ADAP2: variants seen among roughly 807,000 people sequenced by gnomAD.
ADAP2 encodes arf-GAP with dual PH domain-containing protein 2.
Under a neutral mutation model 54.9 loss-of-function variants are expected in ADAP2, and 42 were observed. That is an observed-to-expected ratio of 0.77 (90% confidence interval 0.60 to 0.99). The LOEUF is 0.99. Among genes scored for constraint, ADAP2 ranks in the 50% least tolerant of loss-of-function variants. ADAP2 has a pLI of 0.00. For synonymous variants in ADAP2, 177 were observed against 180.1 expected, an observed-to-expected ratio of 0.98 and a Z score of 0.14; for missense variants, 429 against 480.4, an observed-to-expected ratio of 0.89 and a Z score of 1.00.
chr17:30,927,916 T>C (rs1911184269), intron 3 of ADAP2, among the ~76,000 whole-genome samples: 1 of 151,732 alleles, frequency 6.6e-6, no homozygotes, highest in Non-Finnish European at 1.5e-5. Flanking sequence ...TAGTCTGAGC[T>C]ACTAGGAAGA....
intron 1 of ADAP2, 147 bp downstream of exon 1, chr17:30,922,255 C>G (rs1910673236): frequency 8.3e-6 from 4 of 484,558 alleles, no homozygotes; most frequent in African/African-American, 2.0e-5. Flanking sequence ...CCACCCACAC[C>G]GTGAACCTCT....
Position 30,941,829 on chromosome 17 carries a change from G to T in ADAP2, c.511-3078G>T, listed in dbSNP as rs548743582. 7.2e-5 allele frequency among the ~76,000 whole-genome samples: 11 copies of T among 152,214 alleles called. No homozygotes were observed. In the South Asian group the frequency reaches 2.3e-3, roughly 32 times the overall value. ...AGGGGGATGAGTGAAGTCTTTTGGGGTGACATTTAGGATGATAAGTAATGT... is the reference window on the plus strand; with the variant it reads ...AGGGGGATGAGTGAAGTCTTTTGGGTTGACATTTAGGATGATAAGTAATGT... On this transcript the variant is annotated intron_variant, in intron 5 of 10. Transcript: ENST00000330889.
chr17:30,945,148 T>G, intron 6 of ADAP2, 95 bp downstream of exon 6: 1 of 1,398,488 alleles, frequency 7.2e-7, no homozygotes, highest in East Asian at 2.4e-5. Context: ...GGTGCTGTGC[T>G]CAGCTGCCTC....
chr17:30,922,003 G>A lies in ADAP2; in HGVS notation c.-12G>A. 7.9e-7 allele frequency: 1 copy of A among 1,267,586 alleles called. No individual in the cohort carries two copies. Among genetic ancestry groups the A allele is most frequent in the Non-Finnish European group, 9.9e-7 (1 of 1,010,218 alleles). The allele number at this position is 1,267,586 out of a possible 1,614,324, so 78.5% of individuals were successfully genotyped here. ...CCATGGGCTGAGCCCCGCTGAGCCC[G>A]CCGGGCCGGCCATGGGCGATCGCGA... On this transcript the variant is annotated 5_prime_UTR_variant, in exon 1 of 11. Coordinates refer to ENST00000330889, the MANE Select transcript of ADAP2 (RefSeq NM_018404.3).
chr17:30,949,777 A>C (rs1054244410), intron 7 of ADAP2, among the ~76,000 whole-genome samples: 1 of 150,470 alleles, frequency 6.6e-6, no homozygotes, highest in Non-Finnish European at 1.5e-5. Context: ...AAAGAAGAAG[A>C]AGCCAGACTA....
chr17:30,936,720 T>A (rs1911912468), intron 5 of ADAP2, among the ~76,000 whole-genome samples: 1 of 152,120 alleles, frequency 6.6e-6, no homozygotes. Flanking sequence ...ATGGAGACCA[T>A]CTTGGCTAAC....
At chr17:30,941,824 T>C (rs1180161338) in intron 5 of ADAP2, among the ~76,000 whole-genome samples, 1 of 152,164 alleles carries the variant, frequency 6.6e-6, no homozygotes, top group Non-Finnish European at 1.5e-5. Flanking sequence ...GTGAAGTCTT[T>C]TGGGGTGACA....
rs36110127 is a variant in ADAP2, at chr17:30,958,887, C to CA, written c.*1032dup. The CA allele has an allele frequency of 0.18, 25,366 of 142,058 alleles. 5,618 individuals are homozygous for CA. Among genetic ancestry groups the CA allele is most frequent in the African/African-American group, 0.53 (21,044 of 39,952 alleles). 8.8% of individuals were successfully genotyped at this position (142,058 alleles called of 1,614,324 possible). A position where few individuals can be genotyped will look rare whatever the true frequency, so the allele number is the denominator to read the frequency against. ...TGGGTGACAGAGTGAGACCCTATCT[C>CA]AAAAAAAAAAAAAATCTATGCATTG... On this transcript the variant is annotated 3_prime_UTR_variant, in exon 11 of 11. Transcript: ENST00000330889.
At chr17:30,949,146 G>A in intron 6 of ADAP2, 141 bp from the exon 7 acceptor site, 1 of 646,634 alleles carries the variant, frequency 1.5e-6, no homozygotes. Context: ...GGATGCCCCT[G>A]AGCCGAGCTG....
chr17:30,928,190 CAAA>C (rs1168453604), intron 3 of ADAP2, among the ~76,000 whole-genome samples: 2 of 33,222 alleles, frequency 6.0e-5, no homozygotes, highest in African/African-American at 1.2e-4. Context: ...GAGACTGTCT[CAAA>C]AAAAAAAAAA....
At chr17:30,924,570 C>T (rs1352805583) in intron 2 of ADAP2, among the ~76,000 whole-genome samples, 1 of 152,148 alleles carries the variant, frequency 6.6e-6, no homozygotes, top group Non-Finnish European at 1.5e-5. Context: ...AGAGAGCAGG[C>T]AGTTCTGCAC....
intron 6 of ADAP2, among the ~76,000 whole-genome samples, chr17:30,945,930 G>T (rs1459247821): frequency 6.7e-6 from 1 of 150,196 alleles, no homozygotes; most frequent in African/African-American, 2.4e-5. Flanking sequence ...GAGGCAGGCG[G>T]ATCACGAGGT....
intron 1 of ADAP2, among the ~76,000 whole-genome samples, chr17:30,922,355 C>T (rs1189557453): frequency 1.3e-5 from 2 of 152,124 alleles, no homozygotes; most frequent in Non-Finnish European, 2.9e-5. Flanking sequence ...AGATGCGCAT[C>T]TTCCCACGTG....
At chr17:30,943,428 A>C (rs112809949) in intron 5 of ADAP2, among the ~76,000 whole-genome samples, 1 of 152,126 alleles carries the variant, frequency 6.6e-6, no homozygotes, top group Non-Finnish European at 1.5e-5. Context: ...ACACATGTAC[A>C]TGTATTTTCA....
chr17:30,931,834 A>C, intron 3 of ADAP2, 55 bp from the exon 4 acceptor site: 1 of 1,424,740 alleles, frequency 7.0e-7, no homozygotes, highest in Non-Finnish European at 9.7e-7. Context: ...GTCTCAAAAA[A>C]AAAAAAAAAA....
intron 3 of ADAP2, among the ~76,000 whole-genome samples, chr17:30,929,012 A>G (rs935349313): frequency 6.6e-6 from 1 of 152,246 alleles, no homozygotes; most frequent in African/African-American, 2.4e-5. Context: ...CAGACTATAT[A>G]ACCATACCTA....
rs546089992 is a variant in ADAP2, at chr17:30,922,024, C to T, written c.10C>T (p.Arg4Cys). 2 of 1,278,074 alleles carry T rather than the reference C, an allele frequency of 1.6e-6. No individual in the cohort carries two copies. Among genetic ancestry groups the T allele is most frequent in the African/African-American group, 1.6e-5 (1 of 64,376 alleles). The allele number at this position is 1,278,074 out of a possible 1,614,324, so 79.2% of individuals were successfully genotyped here. A position where few individuals can be genotyped will look rare whatever the true frequency, so the allele number is the denominator to read the frequency against. MGD[R>C]ERNKKRLLEL... Reference sequence around the variant, plus strand: ...GCCCGCCGGGCCGGCCATGGGCGATCGCGAGCGCAACAAGAAGCGGCTGCT... The same window carrying T: ...GCCCGCCGGGCCGGCCATGGGCGATTGCGAGCGCAACAAGAAGCGGCTGCT... The change falls in exon 1 of 11, where the codon CGC (arginine) becomes TGC (cysteine). Residue 4 changes from arginine to cysteine, a missense_variant. Physicochemically the swap from Arg to Cys is radical, Grantham distance 180. Coordinates refer to ENST00000330889, the MANE Select transcript of ADAP2 (RefSeq NM_018404.3).
chr17:30,937,330 C>A (rs756298805), intron 5 of ADAP2, among the ~76,000 whole-genome samples: 9 of 151,944 alleles, frequency 5.9e-5, no homozygotes, highest in Non-Finnish European at 1.2e-4. Context: ...CAAGTGATTC[C>A]CCTGCCTCAG....
chr17:30,948,719 A>G (rs749132285), intron 6 of ADAP2, among the ~76,000 whole-genome samples: 5 of 152,194 alleles, frequency 3.3e-5, no homozygotes, highest in Non-Finnish European at 7.3e-5. Context: ...TCAGAGTGAC[A>G]GCAGAAGGGG....
Sources: gnomAD v4.1 joint callset for allele counts (sites outside exome capture counted in the v4.1 genomes callset) on GRCh38, gnomAD v4.1.1 for gene constraint, MANE v1.5 for transcripts, NCBI Gene and HGNC (gene_info 2026-07-23, HGNC 2026-07-21) for gene names.